UMAD1: variants seen among roughly 807,000 people sequenced by gnomAD.
UMAD1 encodes the protein UBAP1-MVB12-associated (UMA) domain containing 1.
A neutral mutation model predicts 6.1 loss-of-function variants in UMAD1; 8 were observed. That is an observed-to-expected ratio of 1.30 (90% CI 0.76 to 2.35). The LOEUF is 2.35. UMAD1 is among the 30% of genes most tolerant of loss of function. The pLI is 0.00. For missense variants in UMAD1, 130 were observed against 78.4 expected (o/e 1.66, Z -2.49); for synonymous variants, 56 against 31.4 (o/e 1.78, Z -2.61).
At chr7:7,649,175 A>AAAAAAAAG (rs1563082634) in intron 1 of UMAD1, among the ~76,000 whole-genome samples, 3 of 104,580 alleles carry the variant, frequency 2.9e-5, no homozygotes, top group African/African-American at 3.8e-5. Flanking sequence ...AAAAAAAAAA[A>AAAAAAAAG]AAAAGAAAAG....
rs139957857 is a variant in UMAD1 at position 7,666,572 on chromosome 7, A to G, written c.-63-6737A>G. On this transcript the variant is annotated intron_variant, in intron 1 of 3. Transcript: ENST00000682710. ...ATAATGGTATCTCATTGAGATTCTAATTTACTTTTCCTTGTTGACTGATGA... is the reference window on the plus strand; with the variant it reads ...ATAATGGTATCTCATTGAGATTCTAGTTTACTTTTCCTTGTTGACTGATGA... Among the ~76,000 whole-genome samples the G allele has an allele frequency of 3.5e-3, 532 of 152,140 alleles. 3 individuals are homozygous for G. Among genetic ancestry groups the G allele is most frequent in the Middle Eastern group, 0.017 (5 of 294 alleles).
chr7:7,734,898 A>G (rs1317436519), intron 2 of UMAD1, among the ~76,000 whole-genome samples: 1 of 152,186 alleles, frequency 6.6e-6, no homozygotes, highest in Non-Finnish European at 1.5e-5. Context: ...TGCTCAGGAA[A>G]TATCTAAGAC....
At chr7:7,656,325 G>C (rs1302893531) in intron 1 of UMAD1, among the ~76,000 whole-genome samples, 1 of 151,412 alleles carries the variant, frequency 6.6e-6, no homozygotes, top group Non-Finnish European at 1.5e-5. Flanking sequence ...TTTTTTTTTT[G>C]TTTTATTATA....
chr7:7,693,594 C>G (rs188623119), intron 2 of UMAD1, among the ~76,000 whole-genome samples: 223 of 152,086 alleles, frequency 1.5e-3, no homozygotes, highest in African/African-American at 5.1e-3. Flanking sequence ...ACATTAAGGT[C>G]TATTTTAAGG....
At chr7:7,801,527 GTTTAC>G in intron 2 of UMAD1, 138 bp from the exon 3 acceptor site, 1 of 583,640 alleles carries the variant, frequency 1.7e-6, no homozygotes, top group Non-Finnish European at 3.0e-6. Context: ...AAGTTAGCTT[GTTTAC>G]TTTGAAACAA....
chr7:7,711,291 C>G (rs183563311), intron 2 of UMAD1, among the ~76,000 whole-genome samples: 1 of 152,176 alleles, frequency 6.6e-6, no homozygotes, highest in Non-Finnish European at 1.5e-5. Context: ...CAACATGATG[C>G]TGTTACAAAC....
chr7:7,760,606 T>G (rs902917030), intron 2 of UMAD1, among the ~76,000 whole-genome samples: 28 of 152,040 alleles, frequency 1.8e-4, no homozygotes, highest in Non-Finnish European at 2.9e-4. Flanking sequence ...GAATGTAATT[T>G]AGCACTTATG....
intron 2 of UMAD1, among the ~76,000 whole-genome samples, chr7:7,737,088 C>G (rs539002735): frequency 6.6e-6 from 1 of 152,200 alleles, no homozygotes; most frequent in Non-Finnish European, 1.5e-5. Flanking sequence ...CTACATTTTG[C>G]GAATCTGTCG....
At position 7,802,118 on chromosome 7, in the gene UMAD1, G is replaced by A. The variant is rs192698445; in HGVS notation, c.156+375G>A. On this transcript the variant is annotated intron_variant, in intron 3 of 3. Transcript: ENST00000682710. ...CATTCAGCCGGGCACAGTGGCTCAC[G>A]CCTGTAATCCCAGCACTTTGGGAGG... 3.0e-4 allele frequency among the ~76,000 whole-genome samples: 46 copies of A among 152,332 alleles called. No homozygotes were observed. In the East Asian group the frequency reaches 8.7e-3, roughly 29 times the overall value.
chr7:7,661,032 A>G (rs750739556), intron 1 of UMAD1, among the ~76,000 whole-genome samples: 3 of 151,382 alleles, frequency 2.0e-5, no homozygotes, highest in Non-Finnish European at 4.4e-5. Context: ...TTTGTTTTCT[A>G]ATCTTGTCTT....
chr7:7,693,946 G>T (rs1780241728), intron 2 of UMAD1, among the ~76,000 whole-genome samples: 1 of 152,024 alleles, frequency 6.6e-6, no homozygotes, highest in Admixed American at 6.6e-5. Context: ...TCCCTCTGAG[G>T]ACTGAGATCT....
chr7:7,835,757 A>G (rs1783557202), intron 3 of UMAD1, among the ~76,000 whole-genome samples: 1 of 151,968 alleles, frequency 6.6e-6, no homozygotes, highest in Admixed American at 6.6e-5. Flanking sequence ...GTATGATCTT[A>G]CATCAGTTAT....
intron 2 of UMAD1, among the ~76,000 whole-genome samples, chr7:7,712,717 A>G (rs931183828): frequency 2.6e-5 from 4 of 152,212 alleles, no homozygotes; most frequent in Non-Finnish European, 4.4e-5. Flanking sequence ...GTTGAAGAGA[A>G]GTGTCAAAGA....
chr7:7,751,243 T>C (rs1781672246), intron 2 of UMAD1, among the ~76,000 whole-genome samples: 1 of 152,222 alleles, frequency 6.6e-6, no homozygotes, highest in Admixed American at 6.5e-5. Flanking sequence ...TTAGCCCATA[T>C]TTTATAAATG....
intron 3 of UMAD1, among the ~76,000 whole-genome samples, chr7:7,859,058 G>C (rs1003100763): frequency 2.0e-5 from 3 of 152,286 alleles, no homozygotes; most frequent in Non-Finnish European, 2.9e-5. Context: ...TCCTTTGCCA[G>C]AGTTCAGCTC....
intron 2 of UMAD1, among the ~76,000 whole-genome samples, chr7:7,723,638 C>G (rs1465557197): frequency 6.6e-6 from 1 of 152,106 alleles, no homozygotes; most frequent in Non-Finnish European, 1.5e-5. Flanking sequence ...TTCAAGAGCC[C>G]GATAATTGCT....
intron 2 of UMAD1, among the ~76,000 whole-genome samples, chr7:7,791,723 G>C (rs987801025): frequency 1.3e-5 from 2 of 152,168 alleles, no homozygotes. Flanking sequence ...AGGACTGACC[G>C]GTGGATATGA....
At chr7:7,647,152 C>G (rs111763723) in intron 1 of UMAD1, among the ~76,000 whole-genome samples, 12 of 152,154 alleles carry the variant, frequency 7.9e-5, no homozygotes, top group Non-Finnish European at 1.6e-4. Flanking sequence ...TTATCTTTGA[C>G]TAGAGCTTTA....
At position 7,774,655 on chromosome 7, in the gene UMAD1, G is replaced by T. The variant is rs867530668; in HGVS notation, c.83-27015G>T. Among the ~76,000 whole-genome samples the T allele has an allele frequency of 2.6e-5, 4 of 152,302 alleles. No homozygotes were observed. In the Middle Eastern group the frequency reaches 0.01, roughly 389 times the overall value. The stretch of plus-strand genomic sequence containing the variant: ...TAAATTTTACTAACATAGATTCTTT[G>T]TGAGTGCTCTTAAAGCTGTTTGATA... On this transcript the variant is annotated intron_variant, in intron 2 of 3. Transcript: ENST00000682710.
Sources: gnomAD v4.1 joint callset for allele counts (sites outside exome capture counted in the v4.1 genomes callset) on GRCh38, gnomAD v4.1.1 for gene constraint, MANE v1.5 for transcripts, NCBI Gene and HGNC (gene_info 2026-07-23, HGNC 2026-07-21) for gene names.